Variants in MYO1E observed in about 807,000 individuals in gnomAD.
MYO1E encodes the protein myosin IE.
MYO1E carries 68 observed loss-of-function variants against 151.1 expected under a neutral mutation model. The ratio of observed to expected loss-of-function variants is 0.45; its 90% confidence interval spans 0.37 to 0.55. The LOEUF (loss-of-function observed/expected upper bound fraction) is 0.55. MYO1E is among the 20% of genes least tolerant of loss of function. The pLI is 0.00. For missense variants in MYO1E, 1,363 were observed against 1,389.3 expected (o/e 0.98, Z 0.30); for synonymous variants, 601 against 501.7 (o/e 1.20, Z -2.64).
At chr15:59,254,738 T>C (rs79880775) in intron 4 of MYO1E, among the ~76,000 whole-genome samples, 3,149 of 152,148 alleles carry the variant, frequency 0.021, 111 homozygotes, top group African/African-American at 0.072. Context: ...CAAATACGTA[T>C]GATAAGATTG....
At chr15:59,177,288 T>TATTA (rs2079630922) in intron 19 of MYO1E, among the ~76,000 whole-genome samples, 1 of 151,956 alleles carries the variant, frequency 6.6e-6, no homozygotes, top group South Asian at 2.1e-4. Context: ...GCCGCTTATT[T>TATTA]AATAATCTTG....
At chr15:59,232,929 A>G (rs1165168671) in intron 5 of MYO1E, among the ~76,000 whole-genome samples, 1 of 152,096 alleles carries the variant, frequency 6.6e-6, no homozygotes, top group Non-Finnish European at 1.5e-5. Flanking sequence ...CATTGTGACG[A>G]GGGAATCATC....
At chr15:59,279,996 G>C (rs1301745635) in intron 1 of MYO1E, among the ~76,000 whole-genome samples, 2 of 152,136 alleles carry the variant, frequency 1.3e-5, no homozygotes, top group Non-Finnish European at 2.9e-5. Flanking sequence ...GATCAAATAA[G>C]ATAATGGATG....
intron 26 of MYO1E, among the ~76,000 whole-genome samples, chr15:59,143,922 C>T (rs2079425819): frequency 6.6e-6 from 1 of 152,188 alleles, no homozygotes. Flanking sequence ...CCGGCCATAC[C>T]CTCTCCTAGC....
At chr15:59,168,040 T>A (rs1259134468) in intron 22 of MYO1E, among the ~76,000 whole-genome samples, 1 of 152,156 alleles carries the variant, frequency 6.6e-6, no homozygotes, top group Admixed American at 6.5e-5. Context: ...TTTGACAAAC[T>A]ATTGTCTTAA....
At chr15:59,268,720 A>ATTTTTGTTTTTTTTTTTTTTTTTTTT (rs2080271424) in intron 2 of MYO1E, among the ~76,000 whole-genome samples, 2 of 44,904 alleles carry the variant, frequency 4.5e-5, no homozygotes, top group Non-Finnish European at 9.8e-5. Flanking sequence ...TGACTTTGGT[A>ATTTTTGTTTTTTTTTTTTTTTTTTTT]TTTTTTTTTT....
intron 1 of MYO1E, among the ~76,000 whole-genome samples, chr15:59,351,983 T>A (rs2080826013): frequency 6.6e-6 from 1 of 152,188 alleles, no homozygotes; most frequent in Non-Finnish European, 1.5e-5. Context: ...CCTGACAAAA[T>A]CTGTTCTCAC....
chr15:59,269,158 G>C (rs571100024), intron 2 of MYO1E, among the ~76,000 whole-genome samples: 103 of 152,010 alleles, frequency 6.8e-4, no homozygotes, highest in Non-Finnish European at 6.6e-4. Flanking sequence ...AAAATAACTC[G>C]GAAATATGGG....
intron 7 of MYO1E, among the ~76,000 whole-genome samples, chr15:59,226,940 T>C (rs2079995318): frequency 1.3e-5 from 2 of 152,222 alleles, no homozygotes; most frequent in Admixed American, 1.3e-4. Context: ...GTGGCAACTT[T>C]TCAATTTGGC....
intron 1 of MYO1E, among the ~76,000 whole-genome samples, chr15:59,371,941 C>A (rs1351973603): frequency 8.0e-5 from 12 of 150,258 alleles, no homozygotes; most frequent in African/African-American, 2.4e-4. Flanking sequence ...CGCCGCCCCT[C>A]GCCAAGGCGG....
chr15:59,210,430 G>C, intron 13 of MYO1E, 84 bp downstream of exon 13: 2 of 1,002,266 alleles, frequency 2.0e-6, no homozygotes, highest in Non-Finnish European at 3.2e-6. Context: ...CACTTTGCCT[G>C]TTCTAAAACA....
chr15:59,207,220 AG>A, intron 14 of MYO1E: 1 of 1,614,212 alleles, frequency 6.2e-7, no homozygotes, highest in South Asian at 1.1e-5. Flanking sequence ...AAAAGGCTTG[AG>A]TGATGAACTT....
At chr15:59,348,867 G>A (rs1262705694) in intron 1 of MYO1E, 3 of 152,244 alleles carry the variant, frequency 2.0e-5, no homozygotes, top group African/African-American at 7.2e-5. Flanking sequence ...CTGACCTCAG[G>A]TGATCCGCCC....
At position 59,220,925 on chromosome 15, in the gene MYO1E, T is replaced by TAAAAAA. The variant is rs59578227; in HGVS notation, c.910+2128_910+2133dup. Reference sequence around the variant, plus strand: ...GGCAACTAAGCAAGACCCCATCTCTTAAAAAAAAAAAAAAAAAAAAAAGAT... The same window carrying TAAAAAA: ...GGCAACTAAGCAAGACCCCATCTCTTAAAAAAAAAAAAAAAAAAAAAAAAAAAAGAT... On this transcript the variant is annotated intron_variant, in intron 9 of 27. Coordinates refer to ENST00000288235, the MANE Select transcript of MYO1E (RefSeq NM_004998.4). Among the ~76,000 whole-genome samples the TAAAAAA allele has an allele frequency of 1.2e-3, 93 of 77,920 alleles. 1 individual carries two copies. The highest frequency in any genetic ancestry group is 4.3e-3 in the African/African-American group (90 of 20,902). The allele number at this position is 77,920 out of a possible 152,430, so 51.1% of individuals were successfully genotyped here.
At position 59,173,822 on chromosome 15, in the gene MYO1E, T is replaced by G; in HGVS notation, c.2258A>C (p.Glu753Ala). 6.2e-7 allele frequency: 1 copy of G among 1,614,084 alleles called. No individual in the cohort carries two copies. Among genetic ancestry groups the G allele is most frequent in the Non-Finnish European group, 8.5e-7 (1 of 1,179,972 alleles). Reference protein sequence around the residue: ...GDYIGMEEHPELQQFVGKREK... With the variant: ...GDYIGMEEHPALQQFVGKREK... The stretch of plus-strand genomic sequence containing the variant: ...CCTCTTGCCCACGAACTGCTGGAGT[T>G]CTGGGTGCTCTTCCATCCCAATATA... The change falls in exon 21 of 28, where the codon GAA becomes GCA. Residue 753 changes from glutamate (E) to alanine (A), a missense_variant. Glu to Ala is a moderately radical substitution (Grantham distance 107). Transcript: ENST00000288235.
rs1452818863 is a variant in MYO1E at position 59,268,718 on chromosome 15, G to GTTTTTTTTTTTTTTTTT, written c.147+3587_147+3588insAAAAAAAAAAAAAAAAA. Reference sequence around the variant, plus strand: ...TGGTGATGGGTTCTGGGTGACTTTGGTATTTTTTTTTTTTTTTTTTTTTGC... The same window carrying GTTTTTTTTTTTTTTTTT: ...TGGTGATGGGTTCTGGGTGACTTTGGTTTTTTTTTTTTTTTTTTATTTTTTTTTTTTTTTTTTTTTGC... On this transcript the variant is annotated intron_variant, in intron 2 of 27. Transcript: ENST00000288235. 1.1e-3 allele frequency among the ~76,000 whole-genome samples: 13 copies of GTTTTTTTTTTTTTTTTT among 12,040 alleles called. 1 individual carries two copies. The highest frequency in any genetic ancestry group is 2.0e-3 in the Non-Finnish European group (5 of 2,462). 7.9% of individuals were successfully genotyped at this position (12,040 alleles called of 152,430 possible).
intron 1 of MYO1E, among the ~76,000 whole-genome samples, chr15:59,326,432 G>A (rs1462251382): frequency 6.6e-6 from 1 of 152,106 alleles, no homozygotes; most frequent in Non-Finnish European, 1.5e-5. Flanking sequence ...CTGAGGCACG[G>A]GAATTGCTTG....
At chr15:59,215,424 C>T (rs111525603) in intron 10 of MYO1E, among the ~76,000 whole-genome samples, 2,590 of 152,230 alleles carry the variant, frequency 0.017, 62 homozygotes, top group African/African-American at 0.047. Flanking sequence ...ATGTAAGAAG[C>T]AGGGTCTGGG....
chr15:59,372,521 C>G lies in MYO1E; in HGVS notation c.-21G>C. 2 of 1,535,602 alleles carry G rather than the reference C, an allele frequency of 1.3e-6. No individual in the cohort carries two copies. Among genetic ancestry groups the G allele is most frequent in the Non-Finnish European group, 1.8e-6 (2 of 1,140,830 alleles). ...ACCATGGTGACTCGCGCCGCGGTCG[C>G]GTCTTCGCCGGGTCCCGCTGCCGGG... On this transcript the variant is annotated 5_prime_UTR_variant, in exon 1 of 28. Coordinates refer to ENST00000288235, the MANE Select transcript of MYO1E (RefSeq NM_004998.4).
Sources: allele counts gnomAD v4.1 joint callset (sites outside exome capture counted in the v4.1 genomes callset), GRCh38; gene constraint gnomAD v4.1.1; transcripts MANE v1.5; gene names NCBI Gene and HGNC (gene_info 2026-07-23, HGNC 2026-07-21).